DCLK1: variants seen among roughly 807,000 people sequenced by gnomAD.
The protein encoded by DCLK1 is serine/threonine-protein kinase DCLK1.
DCLK1 carries 16 observed loss-of-function variants against 86.2 expected under a neutral mutation model. The ratio of observed to expected loss-of-function variants is 0.19; its 90% confidence interval spans 0.13 to 0.28. DCLK1 has a LOEUF of 0.28. Among genes scored for constraint, DCLK1 ranks in the 10% least tolerant of loss-of-function variants. The pLI is 1.00. For synonymous variants in DCLK1, 369 were observed against 370.5 expected (o/e 1.00, Z 0.05); for missense variants, 590 against 940.2 (o/e 0.63, Z 4.87).
chr13:35,899,191 C>G (rs775596538), intron 4 of DCLK1, among the ~76,000 whole-genome samples: 1 of 152,076 alleles, frequency 6.6e-6, no homozygotes, highest in African/African-American at 2.4e-5. Flanking sequence ...TCCATATTAT[C>G]AAAATGAAGA....
chr13:35,803,921 A>C lies in DCLK1; in HGVS notation c.1944+1778T>G, dbSNP rs1052130190. ...ATATTCAAGCCTATATCTGTCTTCT[A>C]TTCTGGCAGTAGGAACTATTAGACT... On this transcript the variant is annotated intron_variant, in intron 15 of 16. Coordinates refer to ENST00000360631, the MANE Select transcript of DCLK1 (RefSeq NM_001330071.2). Among the ~76,000 whole-genome samples, 27 of 152,190 alleles carry C rather than the reference A, an allele frequency of 1.8e-4. 1 individual carries two copies. Among genetic ancestry groups the C allele is most frequent in the African/African-American group, 6.3e-4 (26 of 41,444 alleles).
intron 16 of DCLK1, among the ~76,000 whole-genome samples, chr13:35,776,543 T>G (rs923952132): frequency 6.6e-6 from 1 of 152,200 alleles, no homozygotes; most frequent in Non-Finnish European, 1.5e-5. Flanking sequence ...CTCTGTCCAT[T>G]GCTGACCATC....
chr13:35,858,952 T>C (rs1487503889), intron 5 of DCLK1, among the ~76,000 whole-genome samples: 3 of 152,224 alleles, frequency 2.0e-5, no homozygotes, highest in African/African-American at 7.2e-5. Flanking sequence ...CAGAAAGCAT[T>C]ACACACCTTC....
intron 3 of DCLK1, among the ~76,000 whole-genome samples, chr13:36,107,375 ACT>A (rs1480733196): frequency 4.9e-5 from 6 of 121,598 alleles, no homozygotes; most frequent in African/African-American, 1.7e-4. Context: ...ACGGGGTCTC[ACT>A]CTGTCGCCCA....
chr13:35,768,872 C>T lies in DCLK1; in HGVS notation c.*5663G>A, dbSNP rs2086279171. 2 of 152,176 alleles carry T rather than the reference C, an allele frequency of 1.3e-5. No individual in the cohort carries two copies. The highest frequency in any genetic ancestry group is 4.1e-4 in the South Asian group (2 of 4,832). 9.4% of individuals were successfully genotyped at this position (152,176 alleles called of 1,614,324 possible). On this transcript the variant is annotated 3_prime_UTR_variant, in exon 17 of 17. Coordinates refer to ENST00000360631, the MANE Select transcript of DCLK1 (RefSeq NM_001330071.2). ...CCCCTAAGAACACAGCTGGGCTATTCCTTCGTGAACTGAATGTGTCAATTG... is the reference window on the plus strand; with the variant it reads ...CCCCTAAGAACACAGCTGGGCTATTTCTTCGTGAACTGAATGTGTCAATTG...
At chr13:35,826,343 G>A (rs951244955) in intron 10 of DCLK1, among the ~76,000 whole-genome samples, 3 of 150,398 alleles carry the variant, frequency 2.0e-5, no homozygotes, top group African/African-American at 7.3e-5. Context: ...GACCAACATG[G>A]AGAAATCCCA....
At chr13:36,109,282 G>A (rs1189615210) in intron 3 of DCLK1, among the ~76,000 whole-genome samples, 3 of 152,088 alleles carry the variant, frequency 2.0e-5, no homozygotes, top group Non-Finnish European at 4.4e-5. Flanking sequence ...AATGACTGCA[G>A]GGAAAAAAAG....
intron 3 of DCLK1, among the ~76,000 whole-genome samples, chr13:36,016,678 C>T (rs910903800): frequency 3.3e-5 from 5 of 152,116 alleles, no homozygotes; most frequent in South Asian, 2.1e-4. Context: ...TCTTTATCCT[C>T]GAACAATAGA....
intron 3 of DCLK1, among the ~76,000 whole-genome samples, chr13:35,989,008 G>A (rs1345248184): frequency 6.6e-6 from 1 of 151,996 alleles, no homozygotes; most frequent in Non-Finnish European, 1.5e-5. Flanking sequence ...TCACCTGCAG[G>A]CCATCTTCAG....
At chr13:35,929,634 T>C (rs1401271825) in intron 4 of DCLK1, among the ~76,000 whole-genome samples, 1 of 152,202 alleles carries the variant, frequency 6.6e-6, no homozygotes, top group African/African-American at 2.4e-5. Flanking sequence ...TCCCCTACTC[T>C]AAGCAAACAT....
intron 4 of DCLK1, among the ~76,000 whole-genome samples, chr13:35,888,438 A>T (rs532236260): frequency 6.6e-6 from 1 of 152,346 alleles, no homozygotes; most frequent in South Asian, 2.1e-4. Context: ...TTGGGTTGAA[A>T]ACTTGATTTA....
intron 3 of DCLK1, among the ~76,000 whole-genome samples, chr13:36,050,092 G>A (rs959060875): frequency 6.6e-6 from 1 of 152,144 alleles, no homozygotes; most frequent in Non-Finnish European, 1.5e-5. Context: ...GTACACGCCA[G>A]CTCCAGCACA....
intron 4 of DCLK1, among the ~76,000 whole-genome samples, chr13:35,897,169 G>C (rs1305562358): frequency 6.6e-6 from 1 of 152,184 alleles, no homozygotes; most frequent in Non-Finnish European, 1.5e-5. Context: ...ACCATTTAAA[G>C]AGGATGGGAG....
At chr13:35,894,604 C>A (rs1873840681) in intron 4 of DCLK1, among the ~76,000 whole-genome samples, 1 of 152,276 alleles carries the variant, frequency 6.6e-6, no homozygotes, top group African/African-American at 2.4e-5. Flanking sequence ...TGGAAAGACA[C>A]AAGGCACAGA....
At chr13:35,848,615 A>G (rs771109444) in intron 6 of DCLK1, 39 of 985,188 alleles carry the variant, frequency 4.0e-5, no homozygotes, top group Middle Eastern at 5.2e-4. Context: ...CTCTATATCA[A>G]TTGGCAATAT....
chr13:36,101,612 T>C (rs2138162807), intron 3 of DCLK1, among the ~76,000 whole-genome samples: 1 of 152,320 alleles, frequency 6.6e-6, no homozygotes, highest in South Asian at 2.1e-4. Context: ...CCTGAGAATC[T>C]TGTTGAAATC....
rs1250386708 is a variant in DCLK1 at position 36,011,834 on chromosome 13, G to T, written c.724-64377C>A. On this transcript the variant is annotated intron_variant, in intron 3 of 16. Coordinates refer to ENST00000360631, the MANE Select transcript of DCLK1 (RefSeq NM_001330071.2). ...CTAATGTTGACAGTGGGGTGTTAAA[G>T]TCTCCCATTATTAATGTGTAGGAGT... Among the ~76,000 whole-genome samples, 5 of 149,708 alleles carry T rather than the reference G, an allele frequency of 3.3e-5. No homozygotes were observed. The East Asian group carries it at 9.8e-4, about 29-fold the overall frequency.
At chr13:36,022,118 G>A (rs1881810690) in intron 3 of DCLK1, among the ~76,000 whole-genome samples, 1 of 151,654 alleles carries the variant, frequency 6.6e-6, no homozygotes, top group Non-Finnish European at 1.5e-5. Flanking sequence ...AATTAATAAA[G>A]GAAATTTGAG....
At chr13:35,887,144 G>A (rs561995667) in intron 4 of DCLK1, among the ~76,000 whole-genome samples, 5 of 152,344 alleles carry the variant, frequency 3.3e-5, no homozygotes, top group South Asian at 2.1e-4. Context: ...TGTCAGTCAC[G>A]TAAGTGATAT....
Sources: allele counts gnomAD v4.1 joint callset (sites outside exome capture counted in the v4.1 genomes callset), GRCh38; gene constraint gnomAD v4.1.1; transcripts MANE v1.5; gene names NCBI Gene and HGNC (gene_info 2026-07-23, HGNC 2026-07-21).